The following PRDM10 variants were observed in gnomAD, a reference collection of about 807,000 sequenced individuals.
The protein encoded by PRDM10 is PR domain zinc finger protein 10.
A neutral mutation model predicts 133.1 loss-of-function variants in PRDM10; 65 were observed. That is an observed-to-expected ratio of 0.49 (90% CI 0.40 to 0.60). PRDM10 has a LOEUF of 0.60. Ranked by LOEUF, PRDM10 falls within the 20% of genes least tolerant of loss-of-function variation. The pLI is 0.00. For missense variants in PRDM10, 1,137 were observed against 1,507.1 expected (o/e 0.75, Z 4.07); for synonymous variants, 582 against 580.4 (o/e 1.00, Z -0.04).
chr11:129,908,757 T>TCC (rs1950091033), intron 19 of PRDM10, among the ~76,000 whole-genome samples: 1 of 152,170 alleles, frequency 6.6e-6, no homozygotes, highest in Admixed American at 6.5e-5. Flanking sequence ...ATGAATATCT[T>TCC]CATCACTCCA....
intron 1 of PRDM10, among the ~76,000 whole-genome samples, chr11:129,987,974 C>G (rs1300806647): frequency 6.6e-6 from 1 of 152,104 alleles, no homozygotes. Flanking sequence ...GCAGTCTGGC[C>G]TGGGCGAAAG....
intron 1 of PRDM10, among the ~76,000 whole-genome samples, chr11:129,975,686 C>T (rs1462050415): frequency 6.6e-6 from 1 of 152,086 alleles, no homozygotes; most frequent in Admixed American, 6.5e-5. Context: ...CTCTGCCCAG[C>T]CACACTGACA....
At chr11:129,921,786 G>A (rs1480320710) in intron 13 of PRDM10, among the ~76,000 whole-genome samples, 4 of 152,252 alleles carry the variant, frequency 2.6e-5, no homozygotes, top group African/African-American at 4.8e-5. Flanking sequence ...TGCTCTAGAC[G>A]GTGTCATGTA....
At chr11:129,919,795 A>G (rs1950467205) in intron 13 of PRDM10, among the ~76,000 whole-genome samples, 1 of 152,190 alleles carries the variant, frequency 6.6e-6, no homozygotes, top group Non-Finnish European at 1.5e-5. Context: ...ACATTTACTC[A>G]ACAAATATTC....
At chr11:129,909,754 C>T (rs556825008) in intron 19 of PRDM10, among the ~76,000 whole-genome samples, 3 of 152,300 alleles carry the variant, frequency 2.0e-5, no homozygotes, top group South Asian at 2.1e-4. Flanking sequence ...TTACCTGCCC[C>T]GACCTCTGTC....
intron 17 of PRDM10, among the ~76,000 whole-genome samples, chr11:129,913,618 A>G (rs984147066): frequency 6.6e-6 from 1 of 152,226 alleles, no homozygotes; most frequent in Admixed American, 6.5e-5. Flanking sequence ...AAAAGTAGCT[A>G]AAGTACAGGC....
At chr11:129,960,102 T>C (rs540458702) in intron 2 of PRDM10, among the ~76,000 whole-genome samples, 23 of 152,228 alleles carry the variant, frequency 1.5e-4, no homozygotes, top group Non-Finnish European at 2.1e-4. Flanking sequence ...ATTTTATTTA[T>C]TGTATATTTA....
At chr11:129,915,282 A>G (rs1053823477) in intron 16 of PRDM10, among the ~76,000 whole-genome samples, 2 of 149,092 alleles carry the variant, frequency 1.3e-5, no homozygotes, top group African/African-American at 4.9e-5. Context: ...ACCTGCAGCA[A>G]TCAATCACAA....
At chr11:129,995,544 T>C (rs1008879236) in intron 1 of PRDM10, among the ~76,000 whole-genome samples, 2 of 152,184 alleles carry the variant, frequency 1.3e-5, no homozygotes, top group African/African-American at 4.8e-5. Context: ...TAATCATGGT[T>C]TGTGGAAAGA....
At chr11:129,919,533 A>G (rs1197160087) in intron 13 of PRDM10, among the ~76,000 whole-genome samples, 1 of 152,204 alleles carries the variant, frequency 6.6e-6, no homozygotes, top group Non-Finnish European at 1.5e-5. Flanking sequence ...ACTATGATGG[A>G]GCATGGGGCC....
At chr11:129,905,508 C>T (rs1366309693) in intron 20 of PRDM10, 130 bp downstream of exon 20, 1 of 744,758 alleles carries the variant, frequency 1.3e-6, no homozygotes, top group East Asian at 2.7e-5. Context: ...CAAGACCTAG[C>T]TTTCAAAGAA....
rs139575163 is a variant in PRDM10 at position 129,911,572 on chromosome 11, G to C, written c.2982+513C>G. Among the ~76,000 whole-genome samples, 442 of 152,294 alleles carry C rather than the reference G, an allele frequency of 2.9e-3. 2 individuals are homozygous for C. Among genetic ancestry groups the C allele is most frequent in the African/African-American group, 0.01 (417 of 41,544 alleles). Reference sequence around the variant, plus strand: ...ATGTACATTTTCCATTGCAGCATGAGCTTCTTCAGATCAGACTGCCTTCCC... The same window carrying C: ...ATGTACATTTTCCATTGCAGCATGACCTTCTTCAGATCAGACTGCCTTCCC... On this transcript the variant is annotated intron_variant, in intron 18 of 20. Transcript: ENST00000360871.
Position 129,944,762 on chromosome 11 carries a change from A to G in PRDM10, c.762+9T>C, listed in dbSNP as rs769679920. 1.2e-6 allele frequency: 2 copies of G among 1,613,730 alleles called. No homozygotes were observed. On this transcript the variant is annotated intron_variant, in intron 6 of 20. Transcript: ENST00000360871. ...GGACAGGAGTGAAGTGTGATAGAGCATAAATTACCTTGAGGTGAATGTAAC... is the reference window on the plus strand; with the variant it reads ...GGACAGGAGTGAAGTGTGATAGAGCGTAAATTACCTTGAGGTGAATGTAAC...
intron 20 of PRDM10, among the ~76,000 whole-genome samples, chr11:129,904,509 T>C (rs1949950820): frequency 6.6e-6 from 1 of 152,214 alleles, no homozygotes; most frequent in Non-Finnish European, 1.5e-5. Context: ...TTCTTTTTTT[T>C]TCTTTTCTGA....
rs3734069 is a variant in PRDM10, at chr11:129,917,033, A to G, written c.2325+94T>C. ...GACAGGTAACCATCTGGTAAGAGTAACAAAAAAATCGTAGTATATATTTAT... is the reference window on the plus strand; with the variant it reads ...GACAGGTAACCATCTGGTAAGAGTAGCAAAAAAATCGTAGTATATATTTAT... On this transcript the variant is annotated intron_variant, in intron 15 of 20. Coordinates refer to ENST00000360871, the MANE Select transcript of PRDM10 (RefSeq NM_199437.2). 1.4e-4 allele frequency: 116 copies of G among 810,738 alleles called. No individual in the cohort carries two copies. In the East Asian group the frequency reaches 3.2e-3, roughly 22 times the overall value. 50.2% of individuals were successfully genotyped at this position (810,738 alleles called of 1,614,324 possible).
At position 129,907,178 on chromosome 11, in the gene PRDM10, G is replaced by T. The variant is rs184263099; in HGVS notation, c.3164-1437C>A. On this transcript the variant is annotated intron_variant, in intron 19 of 20. Transcript: ENST00000360871. ...CAAACTGCACCTGAGCAAGCCTGTA[G>T]CTCAAATTGCCAGTCTATAGGAAAT... Among the ~76,000 whole-genome samples the T allele has an allele frequency of 6.4e-4, 98 of 152,242 alleles. 1 individual carries two copies. The highest frequency in any genetic ancestry group is 4.3e-4 in the Non-Finnish European group (29 of 68,016).
chr11:129,979,916 C>G (rs948219572), intron 1 of PRDM10, among the ~76,000 whole-genome samples: 4 of 152,238 alleles, frequency 2.6e-5, no homozygotes, highest in Non-Finnish European at 5.9e-5. Flanking sequence ...GTTCCTTAGG[C>G]ATATGTCCCC....
chr11:129,965,739 A>C (rs930094202), intron 1 of PRDM10, among the ~76,000 whole-genome samples: 2 of 135,554 alleles, frequency 1.5e-5, no homozygotes, highest in African/African-American at 6.3e-5. Flanking sequence ...CATGTTTATC[A>C]AAAAAAAAAA....
At chr11:129,986,760 A>G (rs1565512865) in intron 1 of PRDM10, among the ~76,000 whole-genome samples, 2 of 152,176 alleles carry the variant, frequency 1.3e-5, no homozygotes, top group African/African-American at 4.8e-5. Flanking sequence ...CTCCAGCTCC[A>G]TGACCCAGGT....
Sources: allele counts gnomAD v4.1 joint callset (sites outside exome capture counted in the v4.1 genomes callset), GRCh38; gene constraint gnomAD v4.1.1; transcripts MANE v1.5; gene names NCBI Gene and HGNC (gene_info 2026-07-23, HGNC 2026-07-21).